HIF1AN: variants seen among roughly 807,000 people sequenced by gnomAD.
HIF1AN encodes hypoxia-inducible factor 1-alpha inhibitor.
In HIF1AN, 21 loss-of-function variants were observed where a neutral mutation model predicts 47.7. The observed-to-expected ratio is 0.44, with a 90% CI of 0.31 to 0.63. HIF1AN has a LOEUF of 0.63. Among genes scored for constraint, HIF1AN ranks in the 30% least tolerant of loss-of-function variants. The probability of loss-of-function intolerance (pLI) is 0.07; values close to 1 mark genes in which losing one functional copy is unlikely to be tolerated. For synonymous variants in HIF1AN, 152 were observed against 155.9 expected (o/e 0.98, Z 0.18); for missense variants, 320 against 432.7 (o/e 0.74, Z 2.31).
chr10:100,543,346 T>A (rs1002409373), intron 3 of HIF1AN, among the ~76,000 whole-genome samples: 7 of 152,114 alleles, frequency 4.6e-5, no homozygotes, highest in African/African-American at 9.7e-5. Flanking sequence ...TAAGCCACCA[T>A]GCTTGGCTAA....
intron 3 of HIF1AN, among the ~76,000 whole-genome samples, chr10:100,542,500 C>T (rs1447685961): frequency 1.3e-5 from 2 of 152,028 alleles, no homozygotes; most frequent in Non-Finnish European, 2.9e-5. Flanking sequence ...ACTACGGGCG[C>T]CCGCCACCAC....
In HIF1AN at chr10:100,536,020, G is replaced by C; in HGVS notation, c.62G>C (p.Gly21Ala). 6.3e-7 allele frequency: 1 copy of C among 1,590,348 alleles called. No homozygotes were observed. The highest frequency in any genetic ancestry group is 8.6e-7 in the Non-Finnish European group (1 of 1,169,442). ...SGSGEPREEA[G>A]ALGPAWDESQ... is the part of the protein sequence containing the mutation. ...TCTGGAGAGCCCCGGGAGGAGGCTG[G>C]AGCCCTCGGCCCCGCCTGGGATGAA... Residue 21 changes from glycine (G) to alanine (A), a missense_variant, in exon 1 of 8, where the codon GGA becomes GCA. Coordinates refer to ENST00000299163, the MANE Select transcript of HIF1AN (RefSeq NM_017902.3).
At chr10:100,536,738 C>A in intron 2 of HIF1AN, 77 bp downstream of exon 2, 3 of 1,524,684 alleles carry the variant, frequency 2.0e-6, no homozygotes, top group Non-Finnish European at 1.8e-6. Context: ...GAAGGTGTGG[C>A]AGAATTGGGT....
At chr10:100,545,896 G>A (rs749068205) in intron 4 of HIF1AN, 47 bp from the exon 5 acceptor site, 4 of 1,293,348 alleles carry the variant, frequency 3.1e-6, no homozygotes, top group Admixed American at 1.7e-5. Flanking sequence ...TTTTACTGGT[G>A]AAGATTTGGT....
intron 3 of HIF1AN, among the ~76,000 whole-genome samples, chr10:100,541,863 A>G (rs1843036709): frequency 1.3e-5 from 2 of 152,188 alleles, no homozygotes; most frequent in Non-Finnish European, 2.9e-5. Context: ...GAGTATAGTT[A>G]CACAAACCTA....
At chr10:100,545,463 A>T in intron 4 of HIF1AN, 1 of 228,396 alleles carries the variant, frequency 4.4e-6, no homozygotes. Context: ...TTTTGATAAG[A>T]AGGGTGAATA....
At position 100,554,079 on chromosome 10, in the gene HIF1AN, A is replaced by AC. The variant is rs1473872759; in HGVS notation, c.*5945dup. 2 of 152,168 alleles carry AC rather than the reference A, an allele frequency of 1.3e-5. No individual in the cohort carries two copies. The highest frequency in any genetic ancestry group is 2.9e-5 in the Non-Finnish European group (2 of 68,024). The allele number at this position is 152,168 out of a possible 1,614,324, so 9.4% of individuals were successfully genotyped here. A position where few individuals can be genotyped will look rare whatever the true frequency, so the allele number is the denominator to read the frequency against. On this transcript the variant is annotated 3_prime_UTR_variant, in exon 8 of 8. Transcript: ENST00000299163. ...ACAGAAGAGTCTAGTACCTAAACTCACCCTAGAGGAAGAGAAACAGGAAGT... is the reference window on the plus strand; with the variant it reads ...ACAGAAGAGTCTAGTACCTAAACTCACCCCTAGAGGAAGAGAAACAGGAAGT...
rs1843017561 is a variant in HIF1AN at position 100,540,620 on chromosome 10, C to T, written c.429-14C>T. 1 of 1,612,974 alleles carries T rather than the reference C, an allele frequency of 6.2e-7. No individual in the cohort carries two copies. The highest frequency in any genetic ancestry group is 8.5e-7 in the Non-Finnish European group (1 of 1,179,740). The stretch of plus-strand genomic sequence containing the variant: ...GTGCATGCACTAATAGGATTTTCTT[C>T]TTGGGGAACATAGGTTGTATCTGCA... On this transcript the variant is annotated splice_polypyrimidine_tract_variant and intron_variant, in intron 2 of 7. Transcript: ENST00000299163.
chr10:100,545,831 A>G (rs890407906), intron 4 of HIF1AN, 112 bp from the exon 5 acceptor site: 6 of 708,080 alleles, frequency 8.5e-6, no homozygotes, highest in African/African-American at 7.1e-5. Context: ...TTTTTAAGGC[A>G]TCGTTTTTTT....
chr10:100,538,519 T>G (rs1852256833), intron 2 of HIF1AN, among the ~76,000 whole-genome samples: 1 of 152,160 alleles, frequency 6.6e-6, no homozygotes, highest in South Asian at 2.1e-4. Context: ...ACAAAGGTAG[T>G]GTTTCCAACT....
chr10:100,558,746 T>C lies in HIF1AN; in HGVS notation c.*10609T>C, dbSNP rs537311230. 2.0e-5 allele frequency: 3 copies of C among 152,346 alleles called. No homozygotes were observed. The highest frequency in any genetic ancestry group is 3.9e-4 in the East Asian group (2 of 5,192). The allele number at this position is 152,346 out of a possible 1,614,324, so 9.4% of individuals were successfully genotyped here. On this transcript the variant is annotated 3_prime_UTR_variant, in exon 8 of 8. Transcript: ENST00000299163. ...TCTAGTCAGTGGCCCAACCAACATA[T>C]CTGGTTGTTCTGCAATCTCAGTCAT...
At chr10:100,542,619 T>C (rs551760609) in intron 3 of HIF1AN, among the ~76,000 whole-genome samples, 25 of 152,236 alleles carry the variant, frequency 1.6e-4, no homozygotes, top group Non-Finnish European at 2.6e-4. Flanking sequence ...CCTCCCAAAG[T>C]GCTGGGATTA....
intron 2 of HIF1AN, among the ~76,000 whole-genome samples, chr10:100,538,327 T>C (rs1403494170): frequency 6.6e-6 from 1 of 152,144 alleles, no homozygotes; most frequent in Non-Finnish European, 1.5e-5. Context: ...TGGGGTGAAA[T>C]GTATTAGGAT....
rs779126731 is a variant in HIF1AN, at chr10:100,555,190, G to C, written c.*7053G>C. The C allele has an allele frequency of 2.0e-5, 3 of 152,228 alleles. No homozygotes were observed. Among genetic ancestry groups the C allele is most frequent in the Non-Finnish European group, 4.4e-5 (3 of 68,044 alleles). 9.4% of individuals were successfully genotyped at this position (152,228 alleles called of 1,614,324 possible). ...CTGCTTCCCAATGCCTAAGGGTTTT[G>C]TCGTACCTTACTCCAGGGAATGGGT... is the stretch of plus-strand genomic sequence containing the variant. On this transcript the variant is annotated 3_prime_UTR_variant, in exon 8 of 8. Transcript: ENST00000299163.
At position 100,554,858 on chromosome 10, in the gene HIF1AN, G is replaced by A. The variant is rs1376063741; in HGVS notation, c.*6721G>A. ...ATGTTAAGATTGTTCTAGGGGAGAA[G>A]GGCAATCAAAATTCAGAAAAATATG... is the stretch of plus-strand genomic sequence containing the variant. On this transcript the variant is annotated 3_prime_UTR_variant, in exon 8 of 8. Coordinates refer to ENST00000299163, the MANE Select transcript of HIF1AN (RefSeq NM_017902.3). 1 of 151,854 alleles carries A rather than the reference G, an allele frequency of 6.6e-6. No homozygotes were observed. Among genetic ancestry groups the A allele is most frequent in the Non-Finnish European group, 1.5e-5 (1 of 67,946 alleles). 9.4% of individuals were successfully genotyped at this position (151,854 alleles called of 1,614,324 possible). A position where few individuals can be genotyped will look rare whatever the true frequency, so the allele number is the denominator to read the frequency against.
chr10:100,551,108 T>C lies in HIF1AN; in HGVS notation c.*2971T>C, dbSNP rs1387032941. On this transcript the variant is annotated 3_prime_UTR_variant, in exon 8 of 8. Transcript: ENST00000299163. ...AACTAGTGTTTTGTAAAGTCAAATA[T>C]TTGTTGGGGGTTGGAGTTCTGGGGT... The C allele has an allele frequency of 6.6e-6, 1 of 152,128 alleles. No individual in the cohort carries two copies. Among genetic ancestry groups the C allele is most frequent in the East Asian group, 1.9e-4 (1 of 5,192 alleles). 9.4% of individuals were successfully genotyped at this position (152,128 alleles called of 1,614,324 possible).
chr10:100,541,825 G>T (rs114335928), intron 3 of HIF1AN, among the ~76,000 whole-genome samples: 1 of 152,152 alleles, frequency 6.6e-6, no homozygotes, highest in African/African-American at 2.4e-5. Flanking sequence ...GTGTTGTTAG[G>T]TGACTTCATC....
chr10:100,557,789 G>A lies in HIF1AN; in HGVS notation c.*9652G>A, dbSNP rs552545919. The A allele has an allele frequency of 5.0e-5, 7 of 139,556 alleles. No homozygotes were observed. In the East Asian group the frequency reaches 1.4e-3, roughly 28 times the overall value. The allele number at this position is 139,556 out of a possible 1,614,324, so 8.6% of individuals were successfully genotyped here. On this transcript the variant is annotated 3_prime_UTR_variant, in exon 8 of 8. Transcript: ENST00000299163. Reference sequence around the variant, plus strand: ...TCTTATGTGGCTATTGAGAATGAATGAGACAACTCATTAACTAACTAAGTT... The same window carrying A: ...TCTTATGTGGCTATTGAGAATGAATAAGACAACTCATTAACTAACTAAGTT...
At chr10:100,545,914 A>C in intron 4 of HIF1AN, 29 bp from the exon 5 acceptor site, 1 of 1,470,854 alleles carries the variant, frequency 6.8e-7, no homozygotes, top group Non-Finnish European at 9.5e-7. Context: ...GGTGATTGAT[A>C]TTTTTTTTCT....
Sources: gnomAD v4.1 joint callset for allele counts (sites outside exome capture counted in the v4.1 genomes callset) on GRCh38, gnomAD v4.1.1 for gene constraint, MANE v1.5 for transcripts, NCBI Gene and HGNC (gene_info 2026-07-23, HGNC 2026-07-21) for gene names.